Variants in SLC38A6 observed in about 807,000 individuals in gnomAD.
SLC38A6 encodes N system amino acid transporter NAT-1.
SLC38A6 carries 73 observed loss-of-function variants against 65.0 expected under a neutral mutation model. The ratio of observed to expected loss-of-function variants is 1.12; its 90% CI spans 0.93 to 1.37. SLC38A6 has a LOEUF of 1.37. Among genes scored for constraint, SLC38A6 ranks in the 40% most tolerant of loss-of-function variants. SLC38A6 has a pLI of 0.00. For synonymous variants in SLC38A6, 183 were observed against 178.8 expected, an observed-to-expected ratio of 1.02 and a Z score of -0.19; for missense variants, 561 against 531.1, an observed-to-expected ratio of 1.06 and a Z score of -0.55.
Position 61,051,903 on chromosome 14 carries a change from TGACATTA to T in SLC38A6, c.1170_1176del (p.Asp390GlufsTer6). 6.2e-7 allele frequency: 1 copy of T among 1,611,470 alleles called. No homozygotes were observed. The highest frequency in any genetic ancestry group is 8.5e-7 in the Non-Finnish European group (1 of 1,179,166). On this transcript the variant is annotated frameshift_variant, in exon 14 of 16. Coordinates refer to ENST00000267488, the MANE Select transcript of SLC38A6 (RefSeq NM_153811.3). LOFTEE classifies it high-confidence loss of function. ...TCGTTTTACTTGCAATATATGTTCC[TGACATTA>T]GAAATGTATTTGGTGTAGTTGGTAA...
At chr14:61,043,087 TCA>T (rs2041906998) in intron 8 of SLC38A6, 58 bp from the exon 9 acceptor site, 3 of 1,075,362 alleles carry the variant, frequency 2.8e-6, no homozygotes, top group South Asian at 2.8e-5. Context: ...CTATTTCAAT[TCA>T]GTTTCTTATT....
intron 3 of SLC38A6, among the ~76,000 whole-genome samples, chr14:60,985,374 T>C (rs2037379273): frequency 1.3e-5 from 2 of 152,390 alleles, no homozygotes; most frequent in South Asian, 4.1e-4. Context: ...TGGAATTTTA[T>C]TATGCAATTC....
At chr14:61,068,994 C>T (rs981399739) in intron 15 of SLC38A6, among the ~76,000 whole-genome samples, 2 of 152,246 alleles carry the variant, frequency 1.3e-5, no homozygotes, top group African/African-American at 4.8e-5. Context: ...AAATCTCAGC[C>T]TTCATCTCTT....
At chr14:61,074,220 T>C (rs1028901365) in intron 15 of SLC38A6, among the ~76,000 whole-genome samples, 1 of 152,228 alleles carries the variant, frequency 6.6e-6, no homozygotes, top group Non-Finnish European at 1.5e-5. Flanking sequence ...ATTTGCTGAA[T>C]AATTTGCAAA....
intron 6 of SLC38A6, among the ~76,000 whole-genome samples, chr14:61,035,051 AAG>A (rs1427041797): frequency 6.6e-6 from 1 of 152,164 alleles, no homozygotes; most frequent in Non-Finnish European, 1.5e-5. Flanking sequence ...CAGAGAATGA[AAG>A]AGGATGCGTT....
chr14:61,004,174 C>A (rs2038912172), intron 3 of SLC38A6, among the ~76,000 whole-genome samples: 1 of 152,008 alleles, frequency 6.6e-6, no homozygotes, highest in African/African-American at 2.4e-5. Flanking sequence ...AAGACCAATT[C>A]TTTTTGGAAT....
At chr14:61,069,335 C>T (rs1373880610) in intron 15 of SLC38A6, among the ~76,000 whole-genome samples, 1 of 152,036 alleles carries the variant, frequency 6.6e-6, no homozygotes, top group African/African-American at 2.4e-5. Flanking sequence ...CCATTAATCC[C>T]AGATAATGGC....
rs2042130024 is a variant in SLC38A6, at chr14:61,046,081, G to T, written c.839G>T (p.Arg280Ile). The T allele has an allele frequency of 3.1e-6, 5 of 1,606,090 alleles. No homozygotes were observed. The highest frequency in any genetic ancestry group is 1.7e-5 in the Admixed American group (1 of 59,584). Reference protein sequence around the residue: ...YCELQSPSKKRMQNVTNTAIA... With the variant: ...YCELQSPSKKIMQNVTNTAIA... ...TTGTCTTTTAGTCCTTCAAAGAAAAGAATGCAGAATGTTACCAATACAGCA... is the reference window on the plus strand; with the variant it reads ...TTGTCTTTTAGTCCTTCAAAGAAAATAATGCAGAATGTTACCAATACAGCA... Residue 280 changes from arginine (R) to isoleucine (I), a missense_variant, in exon 12 of 16, where the codon AGA becomes ATA. Physicochemically the swap from Arg to Ile is moderately conservative, Grantham distance 97 (BLOSUM62 -3). Transcript: ENST00000267488.
At chr14:61,024,604 T>G (rs1425709084) in intron 5 of SLC38A6, among the ~76,000 whole-genome samples, 1 of 152,240 alleles carries the variant, frequency 6.6e-6, no homozygotes, top group East Asian at 1.9e-4. Flanking sequence ...ATAAGGTAGT[T>G]TTCACATAGT....
At chr14:61,040,630 C>T (rs751796767) in intron 8 of SLC38A6, among the ~76,000 whole-genome samples, 5 of 152,028 alleles carry the variant, frequency 3.3e-5, no homozygotes, top group African/African-American at 7.2e-5. Context: ...TGAGCCACCG[C>T]GCCTGGCCAG....
At chr14:61,014,388 A>G (rs1439209213) in intron 3 of SLC38A6, among the ~76,000 whole-genome samples, 1 of 152,122 alleles carries the variant, frequency 6.6e-6, no homozygotes, top group Non-Finnish European at 1.5e-5. Flanking sequence ...TCAACTCGTC[A>G]AAGTCATTCT....
intron 15 of SLC38A6, among the ~76,000 whole-genome samples, chr14:61,078,483 G>A (rs1594801571): frequency 6.6e-6 from 1 of 152,224 alleles, no homozygotes; most frequent in East Asian, 1.9e-4. Flanking sequence ...AGAGAATGCT[G>A]GACCCAGGCT....
In SLC38A6 at chr14:61,043,496, C is replaced by G; in HGVS notation, c.737C>G (p.Ser246Cys). ...TGTAAGCCAAAGCTCTTTCATTTCTCCAAAGAGGTGTGTAAGTTATTAACA... is the reference window on the plus strand; with the variant it reads ...TGTAAGCCAAAGCTCTTTCATTTCTGCAAAGAGGTGTGTAAGTTATTAACA... ...DDCKPKLFHF[S>C]KESAYALPTM... The change falls in exon 10 of 16, where the codon TCC becomes TGC. Residue 246 changes from serine (S) to cysteine (C), a missense_variant. Coordinates refer to ENST00000267488, the MANE Select transcript of SLC38A6 (RefSeq NM_153811.3). 1 of 1,605,600 alleles carries G rather than the reference C, an allele frequency of 6.2e-7. No homozygotes were observed.
chr14:61,003,994 A>C (rs957330654), intron 3 of SLC38A6, among the ~76,000 whole-genome samples: 64 of 152,160 alleles, frequency 4.2e-4, no homozygotes, highest in African/African-American at 1.5e-3. Context: ...AACTAAAAAA[A>C]ATAGACCCAG....
At chr14:61,061,052 T>G (rs2042819402) in intron 15 of SLC38A6, among the ~76,000 whole-genome samples, 1 of 151,818 alleles carries the variant, frequency 6.6e-6, no homozygotes, top group South Asian at 2.1e-4. Context: ...ACCCGGTACC[T>G]CAGATGGAAA....
intron 5 of SLC38A6, among the ~76,000 whole-genome samples, chr14:61,021,646 C>CT (rs984374372): frequency 6.6e-6 from 1 of 151,926 alleles, no homozygotes; most frequent in African/African-American, 2.4e-5. Context: ...TATTTTAGAA[C>CT]TTTTTTTTAA....
rs562427620 is a variant in SLC38A6, at chr14:60,998,798, C to T, written c.310+13995C>T. 2.0e-5 allele frequency among the ~76,000 whole-genome samples: 3 copies of T among 152,332 alleles called. No homozygotes were observed. In the East Asian group the frequency reaches 5.8e-4, roughly 29 times the overall value. ...ACCTGCCGGTCTGCGAGCTCCGCCT[C>T]CTGTAAGGGGTTTGAGAGTGCAGCA... On this transcript the variant is annotated intron_variant, in intron 3 of 15. Coordinates refer to ENST00000267488, the MANE Select transcript of SLC38A6 (RefSeq NM_153811.3).
chr14:60,998,294 G>C (rs921036094), intron 3 of SLC38A6, among the ~76,000 whole-genome samples: 3 of 151,736 alleles, frequency 2.0e-5, no homozygotes, highest in African/African-American at 7.3e-5. Flanking sequence ...CCCGCATCCT[G>C]TACCCATATA....
intron 3 of SLC38A6, among the ~76,000 whole-genome samples, chr14:61,015,197 TCTC>T (rs907648072): frequency 1.6e-4 from 25 of 152,306 alleles, no homozygotes; most frequent in African/African-American, 6.0e-4. Flanking sequence ...CGGGATATAA[TCTC>T]CTGGTGTACC....
Sources: allele counts gnomAD v4.1 joint callset (sites outside exome capture counted in the v4.1 genomes callset), GRCh38; gene constraint gnomAD v4.1.1; transcripts MANE v1.5; gene names NCBI Gene and HGNC (gene_info 2026-07-23, HGNC 2026-07-21).